Variants in PLAG1 observed in about 807,000 individuals in gnomAD.
PLAG1 encodes the protein zinc finger protein PLAG1.
A neutral mutation model predicts 35.5 loss-of-function variants in PLAG1; 7 were observed. The observed-to-expected ratio is 0.20, with a 90% CI of 0.11 to 0.37. The LOEUF is 0.37. Ranked by LOEUF, PLAG1 falls within the 10% of genes least tolerant of loss-of-function variation. The pLI is 1.00. For synonymous variants in PLAG1, 229 were observed against 225.4 expected, an observed-to-expected ratio of 1.02 and a Z score of -0.14; for missense variants, 454 against 602.8, an observed-to-expected ratio of 0.75 and a Z score of 2.58.
At chr8:56,182,466 T>C (rs567238351) in intron 1 of PLAG1, among the ~76,000 whole-genome samples, 2 of 151,852 alleles carry the variant, frequency 1.3e-5, no homozygotes, top group East Asian at 3.9e-4. Flanking sequence ...AGATAGAACT[T>C]CAAGGAGAAG....
chr8:56,169,077 C>T (rs1353183295), intron 3 of PLAG1, among the ~76,000 whole-genome samples: 1 of 152,202 alleles, frequency 6.6e-6, no homozygotes, highest in Non-Finnish European at 1.5e-5. Flanking sequence ...AGGTGAAGAG[C>T]ATGGCTCTTT....
intron 1 of PLAG1, among the ~76,000 whole-genome samples, chr8:56,185,921 G>C (rs972452707): frequency 6.6e-6 from 1 of 152,236 alleles, no homozygotes; most frequent in South Asian, 2.1e-4. Context: ...CATGCTAATT[G>C]ATAGGCTTGC....
chr8:56,204,211 T>C (rs1812637728), intron 1 of PLAG1, among the ~76,000 whole-genome samples: 1 of 151,904 alleles, frequency 6.6e-6, no homozygotes, highest in African/African-American at 2.4e-5. Context: ...GCATTTTCCC[T>C]TCATTGTCCA....
At position 56,179,527 on chromosome 8, in the gene PLAG1, A is replaced by G; in HGVS notation, c.-321-14T>C. 1.2e-6 allele frequency: 1 copy of G among 831,504 alleles called. No individual in the cohort carries two copies. Among genetic ancestry groups the G allele is most frequent in the Non-Finnish European group, 1.5e-6 (1 of 688,948 alleles). 51.5% of individuals were successfully genotyped at this position (831,504 alleles called of 1,614,324 possible). On this transcript the variant is annotated splice_polypyrimidine_tract_variant and intron_variant, in intron 1 of 4. Coordinates refer to ENST00000316981, the MANE Select transcript of PLAG1 (RefSeq NM_002655.3). ...CCAAGAGGCAACCTAAAAAGAAAAG[A>G]AGAGTTAGTTTTAAATTCCAAAAGT...
intron 1 of PLAG1, among the ~76,000 whole-genome samples, chr8:56,200,566 A>G (rs950237557): frequency 6.6e-6 from 1 of 152,216 alleles, no homozygotes; most frequent in Admixed American, 6.5e-5. Flanking sequence ...TGCCTTCCGC[A>G]GCACATAGTG....
At chr8:56,194,138 AC>A (rs1424013642) in intron 1 of PLAG1, among the ~76,000 whole-genome samples, 36 of 151,182 alleles carry the variant, frequency 2.4e-4, no homozygotes, top group Non-Finnish European at 1.5e-5. Context: ...ACATAGCGAA[AC>A]CCCATCTCTA....
At chr8:56,199,453 A>G (rs1239924060) in intron 1 of PLAG1, among the ~76,000 whole-genome samples, 1 of 152,216 alleles carries the variant, frequency 6.6e-6, no homozygotes, top group East Asian at 1.9e-4. Context: ...ACTCTTCCAG[A>G]AAGTCTGGCA....
rs1418674136 is a variant in PLAG1 at position 56,164,066 on chromosome 8, A to C, written c.*2177T>G. The C allele has an allele frequency of 5.4e-6, 1 of 186,464 alleles. No individual in the cohort carries two copies. Among genetic ancestry groups the C allele is most frequent in the African/African-American group, 2.3e-5 (1 of 42,718 alleles). 11.6% of individuals were successfully genotyped at this position (186,464 alleles called of 1,614,324 possible). A position where few individuals can be genotyped will look rare whatever the true frequency, so the allele number is the denominator to read the frequency against. ...GCAGAGCGAAAAGCCTACTTTCAGA[A>C]AAAATATTCTCCTAATCAAAAGCTA... On this transcript the variant is annotated 3_prime_UTR_variant, in exon 5 of 5. Coordinates refer to ENST00000316981, the MANE Select transcript of PLAG1 (RefSeq NM_002655.3).
At chr8:56,209,724 C>G (rs1263523558) in intron 1 of PLAG1, among the ~76,000 whole-genome samples, 1 of 152,246 alleles carries the variant, frequency 6.6e-6, no homozygotes, top group South Asian at 2.1e-4. Flanking sequence ...CTCCACATCC[C>G]TCCCCAAAAG....
rs370105954 is a variant in PLAG1, at chr8:56,167,260, C to A, written c.486G>T (p.Thr162=). The A allele has an allele frequency of 6.2e-7, 1 of 1,613,878 alleles. No individual in the cohort carries two copies. Among genetic ancestry groups the A allele is most frequent in the African/African-American group, 1.3e-5 (1 of 74,934 alleles). The part of the protein sequence containing the change: ...CKVCLQTFES[T]GVLLEHLKSH... ...ATTTAAGGTGCTCCAGAAGCACTCC[C>A]GTGCTTTCAAAAGTTTGCAAACATA... is the stretch of plus-strand genomic sequence containing the variant. The change falls in exon 5 of 5, where the codon ACG becomes ACT. Residue 162 remains threonine (T), a synonymous_variant. Coordinates refer to ENST00000316981, the MANE Select transcript of PLAG1 (RefSeq NM_002655.3). This position sits in a 1 kb window ranked among gnomAD's most constrained non-coding sequence, Gnocchi z 5.9.
intron 1 of PLAG1, among the ~76,000 whole-genome samples, chr8:56,189,077 C>T (rs1202610129): frequency 6.6e-6 from 1 of 152,158 alleles, no homozygotes; most frequent in Non-Finnish European, 1.5e-5. Flanking sequence ...TGTCTAGTAC[C>T]TAGAACAGTG....
In PLAG1 at chr8:56,166,930, T is replaced by A; in HGVS notation, c.816A>T (p.Leu272Phe). The change falls in exon 5 of 5, where the codon TTA becomes TTT. Residue 272 changes from leucine (L) to phenylalanine (F), a missense_variant. Leu to Phe is a conservative substitution (Grantham distance 22). Coordinates refer to ENST00000316981, the MANE Select transcript of PLAG1 (RefSeq NM_002655.3). ...IKDELLPVMS[L>F]PSSELLSKPF... ...GCTTTGATAACAGTTCACTGGAAGGTAAGGACATCACCGGAAGGAGCTCGT... is the reference window on the plus strand; with the variant it reads ...GCTTTGATAACAGTTCACTGGAAGGAAAGGACATCACCGGAAGGAGCTCGT... The A allele has an allele frequency of 1.9e-6, 3 of 1,614,060 alleles. No homozygotes were observed. The highest frequency in any genetic ancestry group is 2.5e-6 in the Non-Finnish European group (3 of 1,179,936).
At chr8:56,200,991 T>C (rs1020219768) in intron 1 of PLAG1, among the ~76,000 whole-genome samples, 2 of 152,226 alleles carry the variant, frequency 1.3e-5, no homozygotes, top group Non-Finnish European at 2.9e-5. Flanking sequence ...ATTTTTATTT[T>C]AAAATAAATT....
intron 2 of PLAG1, among the ~76,000 whole-genome samples, chr8:56,178,809 G>A (rs1811782715): frequency 6.6e-6 from 1 of 151,982 alleles, no homozygotes; most frequent in Non-Finnish European, 1.5e-5. Context: ...CGTGTGCCTG[G>A]ATTTCCAAGT....
chr8:56,206,425 T>C (rs2129235878), intron 1 of PLAG1, among the ~76,000 whole-genome samples: 1 of 152,104 alleles, frequency 6.6e-6, no homozygotes, highest in Admixed American at 6.5e-5. Flanking sequence ...AATTTGCAAA[T>C]AAGATATAAA....
At chr8:56,195,981 A>G (rs1357102139) in intron 1 of PLAG1, among the ~76,000 whole-genome samples, 1 of 152,174 alleles carries the variant, frequency 6.6e-6, no homozygotes, top group Non-Finnish European at 1.5e-5. Context: ...AGGACACACC[A>G]AACTGCAAGG....
At chr8:56,174,158 T>C (rs1021224481) in intron 2 of PLAG1, among the ~76,000 whole-genome samples, 12 of 152,200 alleles carry the variant, frequency 7.9e-5, no homozygotes, top group Non-Finnish European at 2.9e-5. Context: ...ATGCCTTTAG[T>C]AAGTAATTCA....
chr8:56,161,035 T>G lies in PLAG1; in HGVS notation c.*5208A>C, dbSNP rs1163739364. 1 of 182,324 alleles carries G rather than the reference T, an allele frequency of 5.5e-6. No individual in the cohort carries two copies. Among genetic ancestry groups the G allele is most frequent in the East Asian group, 9.0e-5 (1 of 11,106 alleles). The allele number at this position is 182,324 out of a possible 1,614,324, so 11.3% of individuals were successfully genotyped here. A position where few individuals can be genotyped will look rare whatever the true frequency, so the allele number is the denominator to read the frequency against. On this transcript the variant is annotated 3_prime_UTR_variant, in exon 5 of 5. Transcript: ENST00000316981. The stretch of plus-strand genomic sequence containing the variant: ...TATTTAATTAGCAGCAAATTAATAT[T>G]TTAAATCTGGTATATGGACAATAAA...
rs556311640 is a variant in PLAG1 at position 56,190,210 on chromosome 8, C to G, written c.-321-10697G>C. On this transcript the variant is annotated intron_variant, in intron 1 of 4. Transcript: ENST00000316981. The stretch of plus-strand genomic sequence containing the variant: ...AGTGAGTGGCAAAGGATTTGAAGAG[C>G]AGGGTAAGGACTAGGGGGAAGATGG... Among the ~76,000 whole-genome samples the G allele has an allele frequency of 2.0e-5, 3 of 152,158 alleles. No homozygotes were observed. In the East Asian group the frequency reaches 5.8e-4, roughly 29 times the overall value.
Sources: allele counts gnomAD v4.1 joint callset (sites outside exome capture counted in the v4.1 genomes callset), GRCh38; gene constraint gnomAD v4.1.1; non-coding constraint Gnocchi (gnomAD v3.1); transcripts MANE v1.5; gene names NCBI Gene and HGNC (gene_info 2026-07-23, HGNC 2026-07-21).